The following ISM1 variants were observed in gnomAD, a reference collection of about 807,000 sequenced individuals.
The protein encoded by ISM1 is isthmin-1.
ISM1 carries 25 observed loss-of-function variants against 46.3 expected under a neutral mutation model. The observed-to-expected ratio is 0.54, with a 90% CI of 0.39 to 0.75. The LOEUF is 0.75. Ranked by LOEUF, ISM1 falls within the 30% of genes least tolerant of loss-of-function variation. The pLI is 0.00. For missense variants in ISM1, 536 were observed against 625.4 expected (o/e 0.86, Z 1.52); for synonymous variants, 255 against 256.7 (o/e 0.99, Z 0.06).
the ISM1 span, among the ~76,000 whole-genome samples, chr20:13,322,635 C>A: frequency 6.6e-6 from 1 of 152,156 alleles, no homozygotes; most frequent in African/African-American, 2.4e-5. Flanking sequence ...GCCCAAGACC[C>A]AGGGAGGGAC....
At chr20:13,314,243 G>T in the ISM1 span, among the ~76,000 whole-genome samples, 1 of 152,028 alleles carries the variant, frequency 6.6e-6, no homozygotes, top group Admixed American at 6.5e-5. Flanking sequence ...TCAAATTAAT[G>T]GCAAACATAA....
At chr20:13,280,934 CA>C (rs2040232766) in intron 3 of ISM1, among the ~76,000 whole-genome samples, 1 of 152,192 alleles carries the variant, frequency 6.6e-6, no homozygotes, top group Non-Finnish European at 1.5e-5. Context: ...GCTTCACCAT[CA>C]GTGGACTTTG....
intron 3 of ISM1, 109 bp downstream of exon 3, chr20:13,280,007 T>A: frequency 9.3e-7 from 1 of 1,076,430 alleles, no homozygotes; most frequent in Non-Finnish European, 1.3e-6. Context: ...CTTTTGGTCT[T>A]CTGTGAGGCA....
intron 3 of ISM1, among the ~76,000 whole-genome samples, chr20:13,282,056 A>G (rs967028934): frequency 6.6e-6 from 1 of 152,188 alleles, no homozygotes; most frequent in Admixed American, 6.5e-5. Flanking sequence ...ATCCGTTTGA[A>G]CAAGCCCTCC....
the ISM1 span, among the ~76,000 whole-genome samples, chr20:13,309,776 A>T: frequency 6.6e-6 from 1 of 152,326 alleles, no homozygotes; most frequent in East Asian, 1.9e-4. Flanking sequence ...AACATAAAAA[A>T]ATCAGCAATG....
rs564778683 is a variant in ISM1, at chr20:13,250,033, G to T, written c.139-20471G>T. 7.0e-4 allele frequency among the ~76,000 whole-genome samples: 106 copies of T among 152,234 alleles called. No homozygotes were observed. In the Middle Eastern group the frequency reaches 0.01, roughly 15 times the overall value. On this transcript the variant is annotated intron_variant, in intron 1 of 5. Coordinates refer to ENST00000262487, the MANE Select transcript of ISM1 (RefSeq NM_080826.2). ...CCATCGATCGCTTCCAGGGGAACTGGATATAAAAGCTCACAGTGAACAGAA... is the reference window on the plus strand; with the variant it reads ...CCATCGATCGCTTCCAGGGGAACTGTATATAAAAGCTCACAGTGAACAGAA...
Position 13,287,938 on chromosome 20 carries a change from G to T in ISM1, c.644-602G>T, listed in dbSNP as rs59030988. On this transcript the variant is annotated intron_variant, in intron 3 of 5. Coordinates refer to ENST00000262487, the MANE Select transcript of ISM1 (RefSeq NM_080826.2). Reference sequence around the variant, plus strand: ...TACTCTGCTCCTGATGGCAACAGCTGCATTCAGCTGTCCACTGGGAATGGC... The same window carrying T: ...TACTCTGCTCCTGATGGCAACAGCTTCATTCAGCTGTCCACTGGGAATGGC... 7.2e-3 allele frequency among the ~76,000 whole-genome samples: 1,098 copies of T among 152,332 alleles called. 17 individuals are homozygous for T. The highest frequency in any genetic ancestry group is 0.025 in the African/African-American group (1,043 of 41,578).
the ISM1 span, among the ~76,000 whole-genome samples, chr20:13,326,342 C>T: frequency 6.6e-6 from 1 of 152,046 alleles, no homozygotes; most frequent in African/African-American, 2.4e-5. Context: ...AGGAGTGGGA[C>T]CGTTGGGTCA....
chr20:13,315,001 C>A, the ISM1 span, among the ~76,000 whole-genome samples: 1 of 151,820 alleles, frequency 6.6e-6, no homozygotes. Context: ...ATTGCAAAAT[C>A]TAGAGCAACT....
chr20:13,305,922 C>T, the ISM1 span, among the ~76,000 whole-genome samples: 7 of 152,270 alleles, frequency 4.6e-5, no homozygotes, highest in South Asian at 4.1e-4. Flanking sequence ...TAACATCATC[C>T]TCAACCATTT....
At chr20:13,316,735 T>C in the ISM1 span, among the ~76,000 whole-genome samples, 1 of 151,486 alleles carries the variant, frequency 6.6e-6, no homozygotes, top group Non-Finnish European at 1.5e-5. Flanking sequence ...TCAACACCCA[T>C]TCATTATAAA....
At chr20:13,275,567 C>A (rs958424684) in intron 2 of ISM1, among the ~76,000 whole-genome samples, 3 of 152,136 alleles carry the variant, frequency 2.0e-5, no homozygotes, top group African/African-American at 7.2e-5. Context: ...TAGCCCCATG[C>A]GGGTTACTGG....
intron 4 of ISM1, among the ~76,000 whole-genome samples, chr20:13,290,465 C>G (rs112662721): frequency 1.3e-5 from 2 of 152,094 alleles, no homozygotes; most frequent in East Asian, 3.9e-4. Flanking sequence ...CTGGCTAACA[C>G]GGTGAAATGC....
chr20:13,299,517 A>AGAAC lies in ISM1; in HGVS notation c.*58_*59insGAAC. On this transcript the variant is annotated 3_prime_UTR_variant, in exon 6 of 6. Coordinates refer to ENST00000262487, the MANE Select transcript of ISM1 (RefSeq NM_080826.2). The surrounding 1 kb of genome is among the most constrained non-coding windows in gnomAD (Gnocchi z 5.8). ...TGGTTCTGGAGCACACACGTGCTGC[A>AGAAC]CTGACGTGCCGACTGGCGCCGAGAC... is the stretch of plus-strand genomic sequence containing the variant. The AGAAC allele has an allele frequency of 6.7e-7, 1 of 1,499,502 alleles. No individual in the cohort carries two copies. The highest frequency in any genetic ancestry group is 9.0e-7 in the Non-Finnish European group (1 of 1,114,068). 92.9% of individuals were successfully genotyped at this position (1,499,502 alleles called of 1,614,324 possible).
intron 5 of ISM1, among the ~76,000 whole-genome samples, chr20:13,296,453 C>T (rs935581379): frequency 2.0e-5 from 3 of 152,148 alleles, no homozygotes; most frequent in African/African-American, 7.2e-5. Context: ...ATGTTATCTC[C>T]CTATTATTGC....
At chr20:13,291,424 T>C (rs1033657291) in intron 4 of ISM1, among the ~76,000 whole-genome samples, 3 of 152,190 alleles carry the variant, frequency 2.0e-5, no homozygotes, top group African/African-American at 4.8e-5. Flanking sequence ...GTCCTGTAGG[T>C]CAACCCTGCA....
rs1216158284 is a variant in ISM1, at chr20:13,221,548, G to A, written c.-229G>A. On this transcript the variant is annotated 5_prime_UTR_variant, in exon 1 of 6. It adds an upstream start codon to the 5' untranslated region. Coordinates refer to ENST00000262487, the MANE Select transcript of ISM1 (RefSeq NM_080826.2). The stretch of plus-strand genomic sequence containing the variant: ...CCCCCGGCCTCGCGGTGGCTCCGCC[G>A]TGGTGCGGCGGCGGCGGCGGCGGCG... Among the ~76,000 whole-genome samples the A allele has an allele frequency of 6.9e-6, 1 of 144,072 alleles. No homozygotes were observed. Among genetic ancestry groups the A allele is most frequent in the Non-Finnish European group, 1.5e-5 (1 of 64,958 alleles). The allele number at this position is 144,072 out of a possible 152,430, so 94.5% of individuals were successfully genotyped here.
At chr20:13,272,713 T>C (rs2123259046) in intron 2 of ISM1, among the ~76,000 whole-genome samples, 1 of 152,362 alleles carries the variant, frequency 6.6e-6, no homozygotes, top group East Asian at 1.9e-4. Flanking sequence ...ATGGCCCCTC[T>C]CCAGGGACTG....
intron 1 of ISM1, chr20:13,239,081 G>A (rs1054245028): frequency 2.0e-5 from 3 of 152,168 alleles, no homozygotes; most frequent in Non-Finnish European, 4.4e-5. Flanking sequence ...TAAATCTGGG[G>A]AATCCACATC....
Sources: gnomAD v4.1 joint callset for allele counts (sites outside exome capture counted in the v4.1 genomes callset) on GRCh38, gnomAD v4.1.1 for gene constraint, Gnocchi (gnomAD v3.1) non-coding constraint, MANE v1.5 for transcripts, NCBI Gene and HGNC (gene_info 2026-07-23, HGNC 2026-07-21) for gene names.